TBC1D12: variants seen among roughly 807,000 people sequenced by gnomAD.
TBC1D12 encodes the protein TBC1 domain family, member 12.
Under a neutral mutation model 86.7 loss-of-function variants are expected in TBC1D12, and 56 were observed. The ratio of observed to expected loss-of-function variants is 0.65; its 90% CI spans 0.52 to 0.81. The LOEUF (loss-of-function observed/expected upper bound fraction) is 0.81, where lower values mean the gene tolerates loss of function less well. TBC1D12 is among the 30% of genes least tolerant of loss of function. The pLI is 0.00. For missense variants in TBC1D12, 1,023 were observed against 1,038.8 expected, an observed-to-expected ratio of 0.98 and a Z score of 0.21; for synonymous variants, 421 against 411.7, an observed-to-expected ratio of 1.02 and a Z score of -0.27.
chr10:94,433,884 T>C (rs2055254832), intron 1 of TBC1D12, among the ~76,000 whole-genome samples: 1 of 152,290 alleles, frequency 6.6e-6, no homozygotes, highest in Middle Eastern at 3.4e-3. Context: ...CTTTTTTTTT[T>C]CTCCTCATGA....
At chr10:94,406,519 A>G (rs1472973860) in intron 1 of TBC1D12, among the ~76,000 whole-genome samples, 1 of 152,226 alleles carries the variant, frequency 6.6e-6, no homozygotes, top group African/African-American at 2.4e-5. Flanking sequence ...CTGAATCTAT[A>G]ATACCTAGCC....
intron 3 of TBC1D12, among the ~76,000 whole-genome samples, chr10:94,485,746 G>A (rs1206591617): frequency 6.6e-6 from 1 of 151,960 alleles, no homozygotes; most frequent in African/African-American, 2.4e-5. Flanking sequence ...TTTACTGGTA[G>A]ACTTTTAATT....
At chr10:94,455,680 A>G (rs2055616700) in intron 2 of TBC1D12, among the ~76,000 whole-genome samples, 1 of 152,258 alleles carries the variant, frequency 6.6e-6, no homozygotes, top group Admixed American at 6.5e-5. Context: ...CTGTAATCCC[A>G]GCACTTTGGG....
At chr10:94,445,183 A>T (rs1589620218) in intron 2 of TBC1D12, among the ~76,000 whole-genome samples, 1 of 146,986 alleles carries the variant, frequency 6.8e-6, no homozygotes, top group East Asian at 2.2e-4. Context: ...ACATGGTGAA[A>T]CCCCGTCTCT....
At chr10:94,474,890 AT>A in intron 3 of TBC1D12, 107 bp downstream of exon 3, 1 of 1,038,928 alleles carries the variant, frequency 9.6e-7, no homozygotes, top group Non-Finnish European at 1.4e-6. Context: ...AAAGGATTTA[AT>A]TTTTACAAAA....
chr10:94,523,317 A>C (rs912618900), intron 11 of TBC1D12, among the ~76,000 whole-genome samples: 4 of 150,426 alleles, frequency 2.7e-5, no homozygotes, highest in Non-Finnish European at 5.9e-5. Flanking sequence ...AGTTGTAGCG[A>C]GGGTGTTTTA....
chr10:94,411,730 G>A (rs190207264), intron 1 of TBC1D12, among the ~76,000 whole-genome samples: 84 of 152,246 alleles, frequency 5.5e-4, no homozygotes, highest in Admixed American at 3.5e-3. Flanking sequence ...AGCCCAAGGT[G>A]GGGGGACTGC....
At chr10:94,464,760 T>C (rs2055782111) in intron 2 of TBC1D12, among the ~76,000 whole-genome samples, 3 of 152,232 alleles carry the variant, frequency 2.0e-5, no homozygotes, top group Admixed American at 6.5e-5. Flanking sequence ...TGTTCAAGTA[T>C]TAATCATTTA....
intron 1 of TBC1D12, among the ~76,000 whole-genome samples, chr10:94,438,597 C>T (rs2055337176): frequency 6.6e-6 from 1 of 151,922 alleles, no homozygotes; most frequent in African/African-American, 2.4e-5. Flanking sequence ...GGCTGCTATC[C>T]CCACTGCCAC....
intron 8 of TBC1D12, among the ~76,000 whole-genome samples, chr10:94,510,656 CAT>C (rs1262227914): frequency 2.0e-5 from 3 of 152,084 alleles, no homozygotes; most frequent in African/African-American, 7.2e-5. Flanking sequence ...ATCTTTGACT[CAT>C]GTCTTTATTT....
chr10:94,402,605 C>T lies in TBC1D12; in HGVS notation c.-9C>T. 1.9e-6 allele frequency: 3 copies of T among 1,610,878 alleles called. No homozygotes were observed. The highest frequency in any genetic ancestry group is 2.5e-6 in the Non-Finnish European group (3 of 1,179,062). ...TTTGCCTCCTGGGGCGGCCGCCACC[C>T]ACCCCCAGATGGTGGGTCCGGAGGA... On this transcript the variant is annotated 5_prime_UTR_variant, in exon 1 of 13. Transcript: ENST00000225235.
At chr10:94,420,701 C>A (rs527689858) in intron 1 of TBC1D12, among the ~76,000 whole-genome samples, 1 of 152,246 alleles carries the variant, frequency 6.6e-6, no homozygotes, top group Non-Finnish European at 1.5e-5. Flanking sequence ...TACAGCATTA[C>A]TTTTTATGGT....
chr10:94,425,902 A>G (rs1484660811), intron 1 of TBC1D12, among the ~76,000 whole-genome samples: 2 of 152,226 alleles, frequency 1.3e-5, no homozygotes, highest in Middle Eastern at 6.8e-3. Context: ...TGTTAAATTT[A>G]TAATTAAATA....
chr10:94,465,615 C>T (rs548745890), intron 2 of TBC1D12, among the ~76,000 whole-genome samples: 22 of 149,034 alleles, frequency 1.5e-4, no homozygotes, highest in African/African-American at 5.3e-4. Flanking sequence ...CACTGCACTC[C>T]AGCCTGGGCG....
At position 94,442,015 on chromosome 10, in the gene TBC1D12, A is replaced by G; in HGVS notation, c.1091A>G (p.Gln364Arg). The G allele has an allele frequency of 6.2e-7, 1 of 1,612,214 alleles. No homozygotes were observed. The highest frequency in any genetic ancestry group is 8.5e-7 in the Non-Finnish European group (1 of 1,179,230). ...CTTCAGAAAACATCCAAAATCATTCAGCAGGTAAGTACTGACATAGCCATG... is the reference window on the plus strand; with the variant it reads ...CTTCAGAAAACATCCAAAATCATTCGGCAGGTAAGTACTGACATAGCCATG... ...ENLQKTSKII[Q>R]QEYEARTGRT... Residue 364 changes from glutamine to arginine, a missense_variant, in exon 2 of 13, where the codon CAG (glutamine) becomes CGG (arginine). Gln to Arg is a conservative substitution (Grantham distance 43, BLOSUM62 1). Transcript: ENST00000225235.
Position 94,532,285 on chromosome 10 carries a change from C to A in TBC1D12, c.2260-743C>A, listed in dbSNP as rs539551191. 2.6e-4 allele frequency among the ~76,000 whole-genome samples: 39 copies of A among 152,256 alleles called. 1 individual carries two copies. The South Asian group carries it at 6.2e-3, about 24-fold the overall frequency. On this transcript the variant is annotated intron_variant, in intron 12 of 12. Transcript: ENST00000225235. ...CACCGTCTCCCGGGTTCAAGCAATTCTTTTGCTGCAGTCTCCCGAGTAGCT... is the reference window on the plus strand; with the variant it reads ...CACCGTCTCCCGGGTTCAAGCAATTATTTTGCTGCAGTCTCCCGAGTAGCT...
chr10:94,455,188 A>ATT (rs745609319), intron 2 of TBC1D12, among the ~76,000 whole-genome samples: 6 of 147,298 alleles, frequency 4.1e-5, no homozygotes, highest in Non-Finnish European at 6.0e-5. Flanking sequence ...AAATTAATTG[A>ATT]TTTTTTTTTT....
At chr10:94,479,316 G>A (rs1008230453) in intron 3 of TBC1D12, among the ~76,000 whole-genome samples, 1 of 152,080 alleles carries the variant, frequency 6.6e-6, no homozygotes, top group South Asian at 2.1e-4. Flanking sequence ...ATTTTTTCCT[G>A]TGGTCTTATC....
Position 94,522,328 on chromosome 10 carries a change from A to AT in TBC1D12, c.1891-10dup. ...ACTATATACTTTCATAATTTTATTGATTTTTTAATCTTTAGATGTTGAAAT... is the reference window on the plus strand; with the variant it reads ...ACTATATACTTTCATAATTTTATTGATTTTTTTAATCTTTAGATGTTGAAAT... On this transcript the variant is annotated splice_polypyrimidine_tract_variant and intron_variant, in intron 10 of 12. Coordinates refer to ENST00000225235, the MANE Select transcript of TBC1D12 (RefSeq NM_015188.2). The AT allele has an allele frequency of 7.7e-7, 1 of 1,292,564 alleles. No individual in the cohort carries two copies. Among genetic ancestry groups the AT allele is most frequent in the Non-Finnish European group, 1.1e-6 (1 of 937,196 alleles). The allele number at this position is 1,292,564 out of a possible 1,614,324, so 80.1% of individuals were successfully genotyped here.
Sources: allele counts gnomAD v4.1 joint callset (sites outside exome capture counted in the v4.1 genomes callset), GRCh38; gene constraint gnomAD v4.1.1; transcripts MANE v1.5; gene names NCBI Gene and HGNC (gene_info 2026-07-23, HGNC 2026-07-21).